The following CHD7 variants were observed in gnomAD, a reference collection of about 807,000 sequenced individuals.
CHD7 encodes the protein chromodomain helicase DNA binding protein 7, also known as ATP-dependent chromatin remodeler CHD7.
Under a neutral mutation model 307.3 loss-of-function variants are expected in CHD7, and 24 were observed. The ratio of observed to expected loss-of-function variants is 0.08; its 90% CI spans 0.06 to 0.11. The LOEUF is 0.11. Among genes scored for constraint, CHD7 ranks in the 10% least tolerant of loss-of-function variants. The pLI, the probability that CHD7 is intolerant of heterozygous loss-of-function variation, is 1.00. For synonymous variants in CHD7, 1,363 were observed against 1,349.9 expected (o/e 1.01, Z -0.21); for missense variants, 3,106 against 3,727.1 (o/e 0.83, Z 4.34).
chr8:60,720,180 C>A (rs1807827114), intron 1 of CHD7, among the ~76,000 whole-genome samples: 1 of 152,140 alleles, frequency 6.6e-6, no homozygotes, highest in Non-Finnish European at 1.5e-5. Flanking sequence ...CATATAACTT[C>A]ACTTATCTGT....
At chr8:60,844,774 C>G in intron 21 of CHD7, 90 bp from the exon 22 acceptor site, 3 of 1,117,434 alleles carry the variant, frequency 2.7e-6, no homozygotes, top group Non-Finnish European at 3.8e-6. Flanking sequence ...AGTTTTGACC[C>G]AGGATTTCCC....
chr8:60,808,317 C>G, intron 7 of CHD7, 45 bp downstream of exon 7: 7 of 1,150,792 alleles, frequency 6.1e-6, no homozygotes, highest in Non-Finnish European at 8.9e-6. Context: ...CTATATTTTC[C>G]AAGTAGTAAA....
At position 60,822,044 on chromosome 8, in the gene CHD7, T is replaced by C. The variant is rs776374205; in HGVS notation, c.2856T>C (p.Asp952=). ...AACAGGAGCGACCTCCTGCTGATGA[T>C]TGGAAGAAATCGGAGAGTTCCAGGG... ...TERVERPPAD[D]WKKSESSREY... Residue 952 remains aspartate (D), a synonymous_variant, in exon 11 of 38, where the codon GAT becomes GAC. Coordinates refer to ENST00000423902, the MANE Select transcript of CHD7 (RefSeq NM_017780.4). 12 of 1,613,740 alleles carry C rather than the reference T, an allele frequency of 7.4e-6. No homozygotes were observed. The highest frequency in any genetic ancestry group is 1.6e-4 in the Middle Eastern group (1 of 6,084).
intron 2 of CHD7, among the ~76,000 whole-genome samples, chr8:60,751,677 T>C (rs562021284): frequency 6.6e-6 from 1 of 152,326 alleles, no homozygotes; most frequent in East Asian, 1.9e-4. Flanking sequence ...TAGTTTATGG[T>C]GTGTCACCAG....
intron 1 of CHD7, among the ~76,000 whole-genome samples, chr8:60,728,498 G>A (rs927990083): frequency 8.5e-5 from 13 of 152,296 alleles, no homozygotes; most frequent in African/African-American, 2.9e-4. Context: ...CTGGCATTGG[G>A]GGTACAAGTG....
chr8:60,691,962 A>C lies in CHD7; in HGVS notation c.-175+12880A>C, dbSNP rs539079122. 7.2e-5 allele frequency among the ~76,000 whole-genome samples: 11 copies of C among 152,280 alleles called. 1 individual carries two copies. In the South Asian group the frequency reaches 2.3e-3, roughly 32 times the overall value. On this transcript the variant is annotated intron_variant, in intron 1 of 37. Coordinates refer to ENST00000423902, the MANE Select transcript of CHD7 (RefSeq NM_017780.4). ...AATGCAGATTCCTCAACTCCACACG[A>C]GATTTATTGAATTAAATCTCCCTGG...
chr8:60,759,392 CCT>C (rs150384717), intron 2 of CHD7, among the ~76,000 whole-genome samples: 2 of 150,328 alleles, frequency 1.3e-5, no homozygotes, highest in Admixed American at 6.6e-5. Flanking sequence ...TCTCCCTCTC[CCT>C]CTCTCTCTCT....
chr8:60,741,461 T>A lies in CHD7; in HGVS notation c.29T>A (p.Phe10Tyr). The A allele has an allele frequency of 6.2e-7, 1 of 1,609,760 alleles. No homozygotes were observed. The highest frequency in any genetic ancestry group is 2.2e-5 in the East Asian group (1 of 44,812). The change falls in exon 2 of 38, where the codon TTT becomes TAT. Residue 10 changes from phenylalanine to tyrosine, a missense_variant. By Grantham distance (22) the Phe-to-Tyr change is conservative. Around this residue, in one of 10 missense-constraint regions of CHD7, gnomAD observed 998 missense variants for 1,004.5 expected, o/e 0.99. Coordinates refer to ENST00000423902, the MANE Select transcript of CHD7 (RefSeq NM_017780.4). ...GCAGATCCAGGAATGATGAGTCTTT[T>A]TGGCGAGGATGGGAATATTTTCAGT... MADPGMMSLFGEDGNIFSEG... is the reference protein window; with the variant it reads MADPGMMSLYGEDGNIFSEG...
At chr8:60,681,277 A>G (rs1292762554) in intron 1 of CHD7, among the ~76,000 whole-genome samples, 2 of 152,228 alleles carry the variant, frequency 1.3e-5, no homozygotes, top group East Asian at 3.8e-4. Context: ...CAGTGATTTT[A>G]CGAAGTTGAA....
At chr8:60,803,397 T>C (rs1812399759) in intron 6 of CHD7, among the ~76,000 whole-genome samples, 1 of 152,214 alleles carries the variant, frequency 6.6e-6, no homozygotes, top group Admixed American at 6.5e-5. Context: ...TTGCCCACTT[T>C]AGGGTTTTTG....
chr8:60,721,168 A>G (rs990982371), intron 1 of CHD7, among the ~76,000 whole-genome samples: 1 of 152,180 alleles, frequency 6.6e-6, no homozygotes, highest in African/African-American at 2.4e-5. Flanking sequence ...GAAGCCCCTA[A>G]TCCCCAAGGC....
intron 2 of CHD7, among the ~76,000 whole-genome samples, chr8:60,770,302 T>C (rs1390887349): frequency 6.6e-6 from 1 of 152,242 alleles, no homozygotes; most frequent in African/African-American, 2.4e-5. Flanking sequence ...ACAAAACATT[T>C]ATGAGCTGAT....
At chr8:60,853,732 T>G (rs1805583908) in intron 31 of CHD7, among the ~76,000 whole-genome samples, 1 of 152,206 alleles carries the variant, frequency 6.6e-6, no homozygotes, top group Non-Finnish European at 1.5e-5. Flanking sequence ...CATGGACACA[T>G]TAGCAATTTC....
chr8:60,769,494 G>A (rs1283351202), intron 2 of CHD7, among the ~76,000 whole-genome samples: 1 of 152,172 alleles, frequency 6.6e-6, no homozygotes, highest in Non-Finnish European at 1.5e-5. Context: ...CTTATAGTTA[G>A]CTAATCAACC....
In CHD7 at chr8:60,696,808, C is replaced by T. The variant is rs776672893; in HGVS notation, c.-175+17726C>T. ...CATAATTTTCCATAATTTTAACCAG[C>T]GATATATCTGAAACAATACTTTCAA... On this transcript the variant is annotated intron_variant, in intron 1 of 37. Transcript: ENST00000423902. 6.3e-4 allele frequency among the ~76,000 whole-genome samples: 95 copies of T among 150,206 alleles called. 2 individuals are homozygous for T. The highest frequency in any genetic ancestry group is 7.1e-4 in the African/African-American group (29 of 40,966).
intron 2 of CHD7, among the ~76,000 whole-genome samples, chr8:60,762,968 AG>A (rs1247049788): frequency 1.3e-5 from 2 of 151,566 alleles, no homozygotes; most frequent in African/African-American, 4.8e-5. Flanking sequence ...ACATGACAGT[AG>A]CACAGAGGCC....
At chr8:60,782,595 G>T (rs971528807) in intron 3 of CHD7, among the ~76,000 whole-genome samples, 30 of 152,286 alleles carry the variant, frequency 2.0e-4, no homozygotes, top group African/African-American at 7.2e-4. Flanking sequence ...ACATTCAGTA[G>T]CTCAGTCTTA....
At chr8:60,719,584 C>T (rs1219524623) in intron 1 of CHD7, among the ~76,000 whole-genome samples, 1 of 152,122 alleles carries the variant, frequency 6.6e-6, no homozygotes, top group Non-Finnish European at 1.5e-5. Flanking sequence ...ACTGGGCACT[C>T]TGGGAGCCCT....
chr8:60,708,881 A>G (rs1281193874), intron 1 of CHD7, among the ~76,000 whole-genome samples: 2 of 152,198 alleles, frequency 1.3e-5, no homozygotes, highest in South Asian at 2.1e-4. Context: ...CCCTATGTAC[A>G]TAGGCTGTGC....
Sources: allele counts gnomAD v4.1 joint callset (sites outside exome capture counted in the v4.1 genomes callset), GRCh38; gene constraint gnomAD v4.1.1; regional missense constraint gnomAD v4.1.1; transcripts MANE v1.5; gene names NCBI Gene and HGNC (gene_info 2026-07-23, HGNC 2026-07-21).